The following C2orf80 variants were observed in gnomAD, a reference collection of about 807,000 sequenced individuals.
C2orf80 encodes the protein uncharacterized protein C2orf80.
A neutral mutation model predicts 30.2 loss-of-function variants in C2orf80; 28 were observed. The observed-to-expected ratio is 0.93, with a 90% CI of 0.69 to 1.27. The LOEUF (loss-of-function observed/expected upper bound fraction) is 1.27, where lower values mean the gene tolerates loss of function less well. C2orf80 is among the 50% of genes most tolerant of loss of function. C2orf80 has a pLI of 0.00. For missense variants in C2orf80, 220 were observed against 231.0 expected, an observed-to-expected ratio of 0.95 and a Z score of 0.31; for synonymous variants, 80 against 76.4, an observed-to-expected ratio of 1.05 and a Z score of -0.24.
At chr2:208,176,977 ACAGAAATG>A (rs1559340684) in intron 6 of C2orf80, among the ~76,000 whole-genome samples, 1 of 29,124 alleles carries the variant, frequency 3.4e-5, no homozygotes, top group African/African-American at 1.2e-4. Flanking sequence ...ATACATATAT[ACAGAAATG>A]TATATGTATA....
intron 6 of C2orf80, among the ~76,000 whole-genome samples, chr2:208,178,351 G>C (rs73065247): frequency 0.012 from 1,774 of 152,278 alleles, 37 homozygotes; most frequent in African/African-American, 0.04. Context: ...AGAAAACAGT[G>C]ACTGAAACAG....
intron 6 of C2orf80, among the ~76,000 whole-genome samples, chr2:208,176,451 C>T (rs1303644007): frequency 6.6e-6 from 1 of 152,250 alleles, no homozygotes; most frequent in Non-Finnish European, 1.5e-5. Flanking sequence ...GCTGGGATTA[C>T]TGGCGTGAGC....
intron 4 of C2orf80, among the ~76,000 whole-genome samples, chr2:208,182,732 C>G: frequency 6.6e-6 from 1 of 152,194 alleles, no homozygotes; most frequent in East Asian, 1.9e-4. Context: ...GCAAGAAAGT[C>G]TTTCATCTCA....
At chr2:208,185,065 G>A in intron 2 of C2orf80, 33 bp from the exon 3 acceptor site, 1 of 1,545,918 alleles carries the variant, frequency 6.5e-7, no homozygotes, top group Admixed American at 1.7e-5. Context: ...TGAACCATTG[G>A]AGTGACACGG....
At chr2:208,187,295 C>A (rs1323869900) in intron 1 of C2orf80, among the ~76,000 whole-genome samples, 2 of 152,142 alleles carry the variant, frequency 1.3e-5, no homozygotes, top group African/African-American at 4.8e-5. Flanking sequence ...TTTACTCTTC[C>A]TTGCAATAAT....
At chr2:208,180,530 A>G (rs546076813) in intron 6 of C2orf80, among the ~76,000 whole-genome samples, 2 of 152,236 alleles carry the variant, frequency 1.3e-5, no homozygotes, top group South Asian at 2.1e-4. Context: ...TCAGCCGTAC[A>G]CAAGATACAT....
chr2:208,178,862 A>T (rs1161951968), intron 6 of C2orf80, among the ~76,000 whole-genome samples: 1 of 151,862 alleles, frequency 6.6e-6, no homozygotes, highest in Non-Finnish European at 1.5e-5. Context: ...GGTTCAAGAG[A>T]TTATCCTGCC....
Position 208,165,752 on chromosome 2 carries a change from T to C in C2orf80, c.*55A>G. The C allele has an allele frequency of 6.2e-7, 1 of 1,611,338 alleles. No homozygotes were observed. Among genetic ancestry groups the C allele is most frequent in the Non-Finnish European group, 8.5e-7 (1 of 1,179,246 alleles). ...AGAGCTGTGGTTTTAAGATGATGCTTCTCGTCTGCTCCCAGAGAATCTATT... is the reference window on the plus strand; with the variant it reads ...AGAGCTGTGGTTTTAAGATGATGCTCCTCGTCTGCTCCCAGAGAATCTATT... On this transcript the variant is annotated 3_prime_UTR_variant, in exon 9 of 9. Transcript: ENST00000341287.
rs73986528 is a variant in C2orf80, at chr2:208,165,676, C to T, written c.*131G>A. 0.048 allele frequency: 55,878 copies of T among 1,170,574 alleles called. 1,961 individuals are homozygous for T. The highest frequency in any genetic ancestry group is 0.17 in the African/African-American group (10,833 of 63,600). The allele number at this position is 1,170,574 out of a possible 1,614,324, so 72.5% of individuals were successfully genotyped here. A position where few individuals can be genotyped will look rare whatever the true frequency, so the allele number is the denominator to read the frequency against. On this transcript the variant is annotated 3_prime_UTR_variant, in exon 9 of 9. Coordinates refer to ENST00000341287, the MANE Select transcript of C2orf80 (RefSeq NM_001099334.3). ...GAAGAAAGCTCAACATCAAAAATAA[C>T]ACTTCAGTGCAGTTGTACCAAAAAC...
intron 5 of C2orf80, 126 bp downstream of exon 5, chr2:208,181,092 T>G (rs1379804495): frequency 1.5e-5 from 11 of 740,948 alleles, no homozygotes; most frequent in Admixed American, 2.9e-5. Flanking sequence ...AACGAAACAT[T>G]TACTATCAAT....
chr2:208,166,948 C>A (rs962763268), intron 8 of C2orf80, among the ~76,000 whole-genome samples: 2 of 151,886 alleles, frequency 1.3e-5, no homozygotes, highest in African/African-American at 4.8e-5. Flanking sequence ...CCATGCCTGG[C>A]CTGTCCTGAC....
intron 8 of C2orf80, among the ~76,000 whole-genome samples, chr2:208,169,754 C>G (rs1286607031): frequency 4.0e-5 from 6 of 150,912 alleles, no homozygotes; most frequent in Admixed American, 4.0e-4. Flanking sequence ...AAAAGAAAAT[C>G]TAATACCTTC....
intron 2 of C2orf80, among the ~76,000 whole-genome samples, chr2:208,185,700 A>G (rs941716181): frequency 2.6e-5 from 4 of 152,210 alleles, no homozygotes; most frequent in Admixed American, 2.6e-4. Context: ...ATTTTGGCAC[A>G]TCTCAATTTT....
Position 208,170,939 on chromosome 2 carries a change from A to C in C2orf80, c.573+6T>G. ...AGTTTGGTCCAATTTACAATCTCACACCTACTTTGTGCTTTGGCTGTGTGT... is the reference window on the plus strand; with the variant it reads ...AGTTTGGTCCAATTTACAATCTCACCCCTACTTTGTGCTTTGGCTGTGTGT... On this transcript the variant is annotated splice_donor_region_variant and intron_variant, in intron 8 of 8. Coordinates refer to ENST00000341287, the MANE Select transcript of C2orf80 (RefSeq NM_001099334.3). 1 of 1,609,980 alleles carries C rather than the reference A, an allele frequency of 6.2e-7. No homozygotes were observed. The highest frequency in any genetic ancestry group is 8.5e-7 in the Non-Finnish European group (1 of 1,176,352).
intron 6 of C2orf80, among the ~76,000 whole-genome samples, chr2:208,178,613 C>T (rs954135457): frequency 1.3e-5 from 2 of 152,008 alleles, no homozygotes; most frequent in African/African-American, 4.8e-5. Context: ...GATATAAGAT[C>T]TATAAGAAAA....
intron 7 of C2orf80, among the ~76,000 whole-genome samples, 166 bp downstream of exon 7, chr2:208,171,822 C>T (rs1380793832): frequency 6.6e-6 from 1 of 152,120 alleles, no homozygotes; most frequent in Non-Finnish European, 1.5e-5. Flanking sequence ...TCCTTGATTT[C>T]AGTAATGGAG....
chr2:208,187,122 T>C (rs1696741237), intron 1 of C2orf80, 61 bp from the exon 2 acceptor site: 1 of 776,020 alleles, frequency 1.3e-6, no homozygotes, highest in Admixed American at 2.2e-5. Context: ...ATACCAGTCA[T>C]GGAGTCCTAG....
chr2:208,175,217 G>T (rs902231052), intron 6 of C2orf80, among the ~76,000 whole-genome samples: 20 of 95,828 alleles, frequency 2.1e-4, no homozygotes, highest in Admixed American at 1.4e-3. Flanking sequence ...ACCCCGGGGG[G>T]GGGGGGGGCG....
chr2:208,175,219 G>A (rs750997578), intron 6 of C2orf80, among the ~76,000 whole-genome samples: 12 of 151,176 alleles, frequency 7.9e-5, no homozygotes, highest in South Asian at 2.1e-4. Context: ...CCCGGGGGGG[G>A]GGGGGGCGGA....
Sources: gnomAD v4.1 joint callset for allele counts (sites outside exome capture counted in the v4.1 genomes callset) on GRCh38, gnomAD v4.1.1 for gene constraint, MANE v1.5 for transcripts, NCBI Gene and HGNC (gene_info 2026-07-23, HGNC 2026-07-21) for gene names.